The following RLF variants were observed in gnomAD, a reference collection of about 807,000 sequenced individuals.
RLF encodes the protein zinc finger protein Rlf.
A neutral mutation model predicts 162.9 loss-of-function variants in RLF; 7 were observed. The ratio of observed to expected loss-of-function variants is 0.04; its 90% CI spans 0.02 to 0.08. The LOEUF (loss-of-function observed/expected upper bound fraction) is 0.08, where lower values mean the gene tolerates loss of function less well. Among genes scored for constraint, RLF ranks in the 10% least tolerant of loss-of-function variants. The probability of loss-of-function intolerance (pLI) is 1.00; values close to 1 mark genes in which losing one functional copy is unlikely to be tolerated. For missense variants in RLF, 1,664 were observed against 2,244.7 expected, an observed-to-expected ratio of 0.74 and a Z score of 5.23; for synonymous variants, 782 against 791.5, an observed-to-expected ratio of 0.99 and a Z score of 0.20.
intron 1 of RLF, among the ~76,000 whole-genome samples, chr1:40,165,544 C>G (rs1039473311): frequency 6.6e-6 from 1 of 152,048 alleles, no homozygotes; most frequent in African/African-American, 2.4e-5. Flanking sequence ...TCCTGATTTA[C>G]CAGATAGGTT....
intron 7 of RLF, among the ~76,000 whole-genome samples, chr1:40,233,094 C>CA (rs778637305): frequency 0.14 from 10,449 of 77,096 alleles, 1,202 homozygotes; most frequent in African/African-American, 0.36. Context: ...GACTCTGTCT[C>CA]AAAAAAAAAA....
chr1:40,219,022 A>AAT (rs1262380079), intron 5 of RLF, among the ~76,000 whole-genome samples: 5 of 152,214 alleles, frequency 3.3e-5, no homozygotes, highest in African/African-American at 7.2e-5. Context: ...ATACTCATTA[A>AAT]AACTCTCAAA....
intron 6 of RLF, among the ~76,000 whole-genome samples, chr1:40,225,407 C>T (rs1643055923): frequency 6.6e-6 from 1 of 151,838 alleles, no homozygotes; most frequent in Non-Finnish European, 1.5e-5. Flanking sequence ...GGTGAAAACC[C>T]ATCTCTACTT....
At chr1:40,205,785 C>G (rs774190076) in intron 5 of RLF, among the ~76,000 whole-genome samples, 6 of 152,192 alleles carry the variant, frequency 3.9e-5, no homozygotes, top group Non-Finnish European at 7.3e-5. Flanking sequence ...GCCACGGTGC[C>G]TGGCCCATTT....
intron 1 of RLF, among the ~76,000 whole-genome samples, chr1:40,185,006 G>A (rs1400036538): frequency 6.6e-6 from 1 of 152,114 alleles, no homozygotes; most frequent in Non-Finnish European, 1.5e-5. Flanking sequence ...AGAGGCCAAG[G>A]TGGGAGGACC....
chr1:40,235,761 A>C (rs1292087038), intron 7 of RLF, 31 bp from the exon 8 acceptor site: 2 of 1,459,122 alleles, frequency 1.4e-6, no homozygotes, highest in East Asian at 2.4e-5. Context: ...GTATGCAAAA[A>C]AATAATTTTT....
intron 6 of RLF, among the ~76,000 whole-genome samples, chr1:40,223,940 A>G (rs539609349): frequency 6.6e-6 from 1 of 152,394 alleles, no homozygotes; most frequent in East Asian, 1.9e-4. Flanking sequence ...CCACTATGCC[A>G]GAGTTATACC....
At chr1:40,186,807 T>C (rs1450182698) in intron 1 of RLF, among the ~76,000 whole-genome samples, 1 of 152,170 alleles carries the variant, frequency 6.6e-6, no homozygotes, top group Non-Finnish European at 1.5e-5. Flanking sequence ...AGACATTTAG[T>C]GAGACTTGAG....
chr1:40,188,671 A>G (rs1196332681), intron 1 of RLF, among the ~76,000 whole-genome samples: 1 of 152,160 alleles, frequency 6.6e-6, no homozygotes, highest in Non-Finnish European at 1.5e-5. Context: ...ATATTCAGGA[A>G]TAATTCATCT....
In RLF at chr1:40,211,938, T is replaced by C. The variant is rs1262592030; in HGVS notation, c.810+9324T>C. On this transcript the variant is annotated intron_variant, in intron 5 of 7. Coordinates refer to ENST00000372771, the MANE Select transcript of RLF (RefSeq NM_012421.4). ...GCCATCACGCCCAGCCACTAGTCAG[T>C]CTCTTATCCTAGTGATACTTTTCTT... Among the ~76,000 whole-genome samples the C allele has an allele frequency of 3.9e-5, 6 of 152,336 alleles. No homozygotes were observed. In the East Asian group the frequency reaches 7.7e-4, roughly 20 times the overall value.
intron 5 of RLF, among the ~76,000 whole-genome samples, chr1:40,218,265 T>C (rs1642951454): frequency 6.6e-6 from 1 of 152,204 alleles, no homozygotes; most frequent in Non-Finnish European, 1.5e-5. Flanking sequence ...CTTCATATGG[T>C]TGCCTTTCAA....
chr1:40,240,136 G>A lies in RLF; in HGVS notation c.5434G>A (p.Val1812Ile). 2 of 1,614,206 alleles carry A rather than the reference G, an allele frequency of 1.2e-6. No individual in the cohort carries two copies. The highest frequency in any genetic ancestry group is 1.1e-5 in the South Asian group (1 of 91,086). The change falls in exon 8 of 8, where the codon GTT (valine) becomes ATT (isoleucine). Residue 1812 changes from valine (V) to isoleucine (I), a missense_variant. By Grantham distance (29) the Val-to-Ile change is conservative. Around this residue, in one of 15 missense-constraint regions of RLF, gnomAD observed 327 missense variants for 342.7 expected, o/e 0.95. Transcript: ENST00000372771. ...GTCCAGTAATGATTTAACAGGGAAT[G>A]TTGTGGCAAATAATATGGTGAATGA... ...SQSSNDLTGN[V>I]VANNMVNDSE...
intron 5 of RLF, among the ~76,000 whole-genome samples, chr1:40,212,417 A>G (rs961541423): frequency 6.6e-6 from 1 of 152,340 alleles, no homozygotes; most frequent in Non-Finnish European, 1.5e-5. Flanking sequence ...TGACATTGCT[A>G]TTAACTTTAC....
chr1:40,226,535 A>G (rs987842852), intron 6 of RLF, among the ~76,000 whole-genome samples: 4 of 152,226 alleles, frequency 2.6e-5, no homozygotes, highest in African/African-American at 7.2e-5. Flanking sequence ...CCCCAGCTAG[A>G]CTGTGATATA....
intron 5 of RLF, among the ~76,000 whole-genome samples, chr1:40,211,322 A>G (rs6691644): frequency 0.052 from 7,933 of 152,270 alleles, 604 homozygotes; most frequent in African/African-American, 0.17. Flanking sequence ...GCTAATTAGA[A>G]AGGCCAAGCC....
At chr1:40,178,522 A>G (rs149090018) in intron 1 of RLF, among the ~76,000 whole-genome samples, 186 of 152,140 alleles carry the variant, frequency 1.2e-3, no homozygotes, top group Middle Eastern at 3.4e-3. Flanking sequence ...ACTTAATACC[A>G]CAGAAATATA....
At chr1:40,192,814 T>G (rs1642576779) in intron 3 of RLF, among the ~76,000 whole-genome samples, 1 of 152,166 alleles carries the variant, frequency 6.6e-6, no homozygotes, top group Admixed American at 6.5e-5. Flanking sequence ...AGAGAATAGT[T>G]TTTATCAGAG....
intron 1 of RLF, among the ~76,000 whole-genome samples, chr1:40,182,471 A>G (rs1642417173): frequency 6.6e-6 from 1 of 151,908 alleles, no homozygotes; most frequent in Admixed American, 6.6e-5. Flanking sequence ...AAACCCCTCA[A>G]GCTTAATGTA....
At position 40,189,137 on chromosome 1, in the gene RLF, G is replaced by A. The variant is rs1250154669; in HGVS notation, c.320G>A (p.Ser107Asn). 6.2e-7 allele frequency: 1 copy of A among 1,613,874 alleles called. No homozygotes were observed. The highest frequency in any genetic ancestry group is 1.1e-5 in the South Asian group (1 of 91,068). Residue 107 changes from serine to asparagine, a missense_variant, in exon 2 of 8, where the codon AGC becomes AAC. Physicochemically the swap from Ser to Asn is conservative, Grantham distance 46. Transcript: ENST00000372771. The part of the protein sequence containing the change: ...LLEVYRLAIQ[S>N]FASARPYLTT... ...GAGGTATATCGACTTGCCATCCAAA[G>A]CTTTGCCAGTGCACGTCCATACTTA...
Sources: allele counts gnomAD v4.1 joint callset (sites outside exome capture counted in the v4.1 genomes callset), GRCh38; gene constraint gnomAD v4.1.1; regional missense constraint gnomAD v4.1.1; transcripts MANE v1.5; gene names NCBI Gene and HGNC (gene_info 2026-07-23, HGNC 2026-07-21).